The following ZCCHC17 variants were observed in gnomAD, a reference collection of about 807,000 sequenced individuals.
The protein encoded by ZCCHC17 is zinc finger CCHC domain-containing protein 17.
Under a neutral mutation model 30.6 loss-of-function variants are expected in ZCCHC17, and 18 were observed. The observed-to-expected ratio is 0.59, with a 90% CI of 0.41 to 0.87. The LOEUF is 0.87. Among genes scored for constraint, ZCCHC17 ranks in the 40% least tolerant of loss-of-function variants. The probability of loss-of-function intolerance (pLI) is 0.00; values close to 1 mark genes in which losing one functional copy is unlikely to be tolerated. For missense variants in ZCCHC17, 263 were observed against 284.2 expected (o/e 0.93, Z 0.54); for synonymous variants, 88 against 92.4 (o/e 0.95, Z 0.27).
intron 3 of ZCCHC17, among the ~76,000 whole-genome samples, chr1:31,329,995 T>G (rs1204866502): frequency 1.3e-5 from 2 of 152,222 alleles, no homozygotes; most frequent in Non-Finnish European, 2.9e-5. Context: ...TTAAAACACT[T>G]TCACGAATGT....
chr1:31,314,927 A>G (rs1646695382), intron 2 of ZCCHC17, among the ~76,000 whole-genome samples: 1 of 152,178 alleles, frequency 6.6e-6, no homozygotes, highest in African/African-American at 2.4e-5. Context: ...TTGGCCTCCC[A>G]AAGTGCTGGG....
rs370848527 is a variant in ZCCHC17 at position 31,348,979 on chromosome 1, A to G, written c.564+5A>G. ...CCTTCTAGAAAAAGAAAGAAGGTGAATGCTACTTTGCTTTTATTTTATCAT... is the reference window on the plus strand; with the variant it reads ...CCTTCTAGAAAAAGAAAGAAGGTGAGTGCTACTTTGCTTTTATTTTATCAT... On this transcript the variant is annotated splice_donor_5th_base_variant and intron_variant, in intron 7 of 7. Coordinates refer to ENST00000344147, the MANE Select transcript of ZCCHC17 (RefSeq NM_016505.4). 5.8e-6 allele frequency: 9 copies of G among 1,564,058 alleles called. No individual in the cohort carries two copies. The highest frequency in any genetic ancestry group is 1.4e-5 in the African/African-American group (1 of 72,158).
At chr1:31,306,226 A>G (rs1646452293) in intron 1 of ZCCHC17, among the ~76,000 whole-genome samples, 1 of 151,914 alleles carries the variant, frequency 6.6e-6, no homozygotes, top group South Asian at 2.1e-4. Context: ...TCACCCTTTC[A>G]CTTAAAGGAA....
chr1:31,305,272 CT>C lies in ZCCHC17; in HGVS notation c.-55-4761del, dbSNP rs113992102. ...GGTGACCTAGATATTTCAGAGTTGA[CT>C]TTTTTTTTTTAATTTCTTTTTTTTG... On this transcript the variant is annotated intron_variant, in intron 1 of 7. Transcript: ENST00000344147. Among the ~76,000 whole-genome samples the C allele has an allele frequency of 6.6e-4, 96 of 146,424 alleles. 5 individuals carry two copies. The highest frequency in any genetic ancestry group is 6.8e-4 in the Admixed American group (10 of 14,670).
intron 1 of ZCCHC17, among the ~76,000 whole-genome samples, chr1:31,299,743 A>G (rs1433865174): frequency 6.6e-6 from 1 of 152,160 alleles, no homozygotes; most frequent in Admixed American, 6.5e-5. Flanking sequence ...TTACTGCTTA[A>G]GTGGGTTCTG....
intron 3 of ZCCHC17, among the ~76,000 whole-genome samples, chr1:31,328,938 A>G (rs2148441289): frequency 6.6e-6 from 1 of 152,142 alleles, no homozygotes; most frequent in East Asian, 1.9e-4. Flanking sequence ...AGACTGAGAC[A>G]GGGGGATCAG....
intron 1 of ZCCHC17, among the ~76,000 whole-genome samples, chr1:31,301,371 T>A (rs1646307414): frequency 6.6e-6 from 1 of 152,238 alleles, no homozygotes. Context: ...TATTTTGCAA[T>A]CTTGAGCGAG....
intron 7 of ZCCHC17, among the ~76,000 whole-genome samples, chr1:31,359,538 A>G (rs904975856): frequency 3.3e-5 from 5 of 152,156 alleles, no homozygotes; most frequent in African/African-American, 1.2e-4. Flanking sequence ...AAATAAGTAA[A>G]TAAATAAAAT....
intron 3 of ZCCHC17, among the ~76,000 whole-genome samples, chr1:31,325,088 G>A (rs1228870173): frequency 1.3e-5 from 2 of 152,128 alleles, no homozygotes; most frequent in African/African-American, 4.8e-5. Flanking sequence ...ACCCACACTG[G>A]GTCTCCTCTC....
intron 3 of ZCCHC17, chr1:31,333,022 G>A (rs761707345): frequency 2.0e-5 from 3 of 152,118 alleles, no homozygotes; most frequent in South Asian, 4.2e-4. Flanking sequence ...TTTTTTGCAC[G>A]TAATGGACCT....
intron 3 of ZCCHC17, among the ~76,000 whole-genome samples, chr1:31,331,967 G>T (rs1049932316): frequency 6.6e-6 from 1 of 152,164 alleles, no homozygotes; most frequent in African/African-American, 2.4e-5. Flanking sequence ...GACAAAAAAA[G>T]TATCTCAAAA....
At chr1:31,326,486 C>G (rs1291574673) in intron 3 of ZCCHC17, among the ~76,000 whole-genome samples, 1 of 152,198 alleles carries the variant, frequency 6.6e-6, no homozygotes, top group Non-Finnish European at 1.5e-5. Context: ...TTCCCCACCC[C>G]ACAGGACATT....
At chr1:31,312,266 C>G (rs1387867191) in intron 2 of ZCCHC17, among the ~76,000 whole-genome samples, 1 of 152,166 alleles carries the variant, frequency 6.6e-6, no homozygotes, top group African/African-American at 2.4e-5. Flanking sequence ...TCGGTTCACA[C>G]TGTATTTAAT....
chr1:31,338,395 A>T (rs1638904406), intron 4 of ZCCHC17, among the ~76,000 whole-genome samples: 1 of 152,192 alleles, frequency 6.6e-6, no homozygotes, highest in Non-Finnish European at 1.5e-5. Flanking sequence ...GAGGAGATAG[A>T]ATATGAGCTG....
chr1:31,342,055 A>T (rs1639067517), intron 5 of ZCCHC17, among the ~76,000 whole-genome samples: 1 of 151,922 alleles, frequency 6.6e-6, no homozygotes, highest in Non-Finnish European at 1.5e-5. Context: ...GTATTCATTT[A>T]GTTTTTTTGA....
intron 5 of ZCCHC17, 28 bp downstream of exon 5, chr1:31,339,076 A>G: frequency 6.5e-7 from 1 of 1,533,156 alleles, no homozygotes; most frequent in Non-Finnish European, 8.9e-7. Flanking sequence ...AAAGGTGAAA[A>G]TTCTTCTGCC....
chr1:31,354,656 T>C (rs1473608925), intron 7 of ZCCHC17, among the ~76,000 whole-genome samples: 1 of 152,234 alleles, frequency 6.6e-6, no homozygotes. Flanking sequence ...GAGTTCTTTT[T>C]GCTGAATATA....
At chr1:31,313,538 T>C (rs1247477922) in intron 2 of ZCCHC17, among the ~76,000 whole-genome samples, 2 of 152,250 alleles carry the variant, frequency 1.3e-5, no homozygotes, top group Admixed American at 6.5e-5. Flanking sequence ...TCTTGACTTC[T>C]GTTAAGTTGA....
At chr1:31,350,933 T>C (rs1356107620) in intron 7 of ZCCHC17, among the ~76,000 whole-genome samples, 1 of 152,198 alleles carries the variant, frequency 6.6e-6, no homozygotes, top group South Asian at 2.1e-4. Context: ...GAAGTGGGAT[T>C]GTTGTGATCT....
Sources: allele counts gnomAD v4.1 joint callset (sites outside exome capture counted in the v4.1 genomes callset), GRCh38; gene constraint gnomAD v4.1.1; transcripts MANE v1.5; gene names NCBI Gene and HGNC (gene_info 2026-07-23, HGNC 2026-07-21).